CALN1: variants seen among roughly 807,000 people sequenced by gnomAD.
CALN1 encodes the protein calcium-binding protein 8.
A neutral mutation model predicts 30.6 loss-of-function variants in CALN1; 17 were observed. The observed-to-expected ratio is 0.56, with a 90% CI of 0.38 to 0.83. The LOEUF is 0.83. Ranked by LOEUF, CALN1 falls within the 40% of genes least tolerant of loss-of-function variation. CALN1 has a pLI of 0.00. For missense variants in CALN1, 291 were observed against 354.9 expected, an observed-to-expected ratio of 0.82 and a Z score of 1.45; for synonymous variants, 156 against 131.4, an observed-to-expected ratio of 1.19 and a Z score of -1.28.
At chr7:72,234,107 A>G (rs1257664075) in intron 3 of CALN1, among the ~76,000 whole-genome samples, 1 of 152,248 alleles carries the variant, frequency 6.6e-6, no homozygotes, top group African/African-American at 2.4e-5. Context: ...GTTTACAAGG[A>G]AACAGTAAGG....
At chr7:72,503,679 T>G in the CALN1 span, among the ~76,000 whole-genome samples, 1 of 149,542 alleles carries the variant, frequency 6.7e-6, no homozygotes, top group Non-Finnish European at 1.5e-5. Context: ...ACCAGTAACC[T>G]TCTCTGAGTC....
At chr7:71,987,594 A>G (rs1305747009) in intron 5 of CALN1, among the ~76,000 whole-genome samples, 4 of 152,188 alleles carry the variant, frequency 2.6e-5, no homozygotes, top group Non-Finnish European at 5.9e-5. Flanking sequence ...TAGGCTTGTG[A>G]AAGTGTTACG....
intron 5 of CALN1, among the ~76,000 whole-genome samples, chr7:71,875,224 C>A (rs1792177457): frequency 6.7e-6 from 1 of 149,596 alleles, no homozygotes; most frequent in Non-Finnish European, 1.5e-5. Flanking sequence ...AATGGTGTCA[C>A]CAGCTGTGTC....
At chr7:71,804,358 G>A (rs1787482331) in intron 6 of CALN1, among the ~76,000 whole-genome samples, 1 of 151,990 alleles carries the variant, frequency 6.6e-6, no homozygotes, top group Non-Finnish European at 1.5e-5. Flanking sequence ...AAGTAAAAAA[G>A]TTAGCCTGGC....
chr7:72,477,142 C>T, the CALN1 span, among the ~76,000 whole-genome samples: 6 of 151,744 alleles, frequency 4.0e-5, no homozygotes, highest in Admixed American at 6.6e-5. Flanking sequence ...ACCCAGGTGG[C>T]GGAGGTTGCA....
At chr7:72,231,900 G>C (rs766563009) in intron 3 of CALN1, among the ~76,000 whole-genome samples, 1 of 152,186 alleles carries the variant, frequency 6.6e-6, no homozygotes, top group Non-Finnish European at 1.5e-5. Context: ...TTGTTTAGCA[G>C]CATGTAAGTT....
At chr7:72,052,256 A>G (rs79262964) in intron 4 of CALN1, among the ~76,000 whole-genome samples, 4 of 152,324 alleles carry the variant, frequency 2.6e-5, no homozygotes, top group Admixed American at 6.5e-5. Context: ...ATGCGGAGTT[A>G]AGGGGCTGTG....
intron 5 of CALN1, among the ~76,000 whole-genome samples, chr7:71,979,689 A>G (rs1460280451): frequency 6.6e-6 from 1 of 151,942 alleles, no homozygotes; most frequent in African/African-American, 2.4e-5. Flanking sequence ...CCCCTGCTCT[A>G]TGGGAACTGG....
chr7:72,230,151 A>C (rs1793984467), intron 3 of CALN1, among the ~76,000 whole-genome samples: 1 of 151,828 alleles, frequency 6.6e-6, no homozygotes, highest in Non-Finnish European at 1.5e-5. Context: ...AAAAAACAAA[A>C]ACAAAAACAA....
rs375802285 is a variant in CALN1, at chr7:72,380,724, C to G, written c.119+22527G>C. On this transcript the variant is annotated intron_variant, in intron 2 of 6. Transcript: ENST00000395275. ...ATTAGATTAGATAGATAGATAGATACATAGATACATAGATAGATAGTGTTA... is the reference window on the plus strand; with the variant it reads ...ATTAGATTAGATAGATAGATAGATAGATAGATACATAGATAGATAGTGTTA... Among the ~76,000 whole-genome samples the G allele has an allele frequency of 1.4e-4, 21 of 150,220 alleles. No homozygotes were observed. The East Asian group carries it at 2.0e-3, about 14-fold the overall frequency.
chr7:72,279,100 C>T (rs1009415343), intron 2 of CALN1, among the ~76,000 whole-genome samples: 1 of 152,140 alleles, frequency 6.6e-6, no homozygotes, highest in African/African-American at 2.4e-5. Flanking sequence ...ACATCACCAT[C>T]GAACTATCTC....
At chr7:72,328,242 T>A (rs1421801711) in intron 2 of CALN1, among the ~76,000 whole-genome samples, 1 of 152,190 alleles carries the variant, frequency 6.6e-6, no homozygotes, top group Non-Finnish European at 1.5e-5. Context: ...TCACCTTGAA[T>A]TGCAATAATA....
At chr7:72,479,626 C>T in the CALN1 span, among the ~76,000 whole-genome samples, 1 of 148,952 alleles carries the variant, frequency 6.7e-6, no homozygotes, top group Non-Finnish European at 1.5e-5. Context: ...GATCTTGGCT[C>T]ACTGCAACCT....
chr7:72,330,485 A>AAAG (rs1554374257), intron 2 of CALN1, among the ~76,000 whole-genome samples: 129 of 143,226 alleles, frequency 9.0e-4, no homozygotes, highest in Non-Finnish European at 1.8e-3. Flanking sequence ...AAAAAAAAAA[A>AAAG]AGAGAGAGAG....
At chr7:72,329,599 A>G (rs1291800548) in intron 2 of CALN1, among the ~76,000 whole-genome samples, 5 of 152,164 alleles carry the variant, frequency 3.3e-5, no homozygotes, top group African/African-American at 7.2e-5. Flanking sequence ...TCTTCCGCAG[A>G]TATTTCCCCA....
intron 5 of CALN1, among the ~76,000 whole-genome samples, chr7:71,879,857 G>A (rs1010275435): frequency 3.3e-5 from 5 of 152,184 alleles, no homozygotes; most frequent in Non-Finnish European, 7.3e-5. Flanking sequence ...ACTGTGGTGA[G>A]GGAGATTGTG....
chr7:72,056,733 G>T (rs1803280821), intron 4 of CALN1, among the ~76,000 whole-genome samples: 1 of 151,988 alleles, frequency 6.6e-6, no homozygotes, highest in Non-Finnish European at 1.5e-5. Context: ...TATGGCAAAA[G>T]AATAGCATTC....
At chr7:72,428,363 A>AT (rs1807862616) in intron 1 of CALN1, among the ~76,000 whole-genome samples, 1 of 151,568 alleles carries the variant, frequency 6.6e-6, no homozygotes, top group Non-Finnish European at 1.5e-5. Flanking sequence ...AAAGGCACAG[A>AT]TTGATTTTTT....
Position 71,781,899 on chromosome 7 carries a change from C to A in CALN1, c.*5876G>T, listed in dbSNP as rs538195441. ...GTCTTGTGGGTGGGACTGGAAAAAC[C>A]TCATTCTTTGTGATATATTTCCAGT... On this transcript the variant is annotated 3_prime_UTR_variant, in exon 7 of 7. Transcript: ENST00000395275. 11 of 152,242 alleles carry A rather than the reference C, an allele frequency of 7.2e-5. No homozygotes were observed. The highest frequency in any genetic ancestry group is 2.4e-4 in the African/African-American group (10 of 41,534). The allele number at this position is 152,242 out of a possible 1,614,324, so 9.4% of individuals were successfully genotyped here. A position where few individuals can be genotyped will look rare whatever the true frequency, so the allele number is the denominator to read the frequency against.
Sources: allele counts gnomAD v4.1 joint callset (sites outside exome capture counted in the v4.1 genomes callset), GRCh38; gene constraint gnomAD v4.1.1; transcripts MANE v1.5; gene names NCBI Gene and HGNC (gene_info 2026-07-23, HGNC 2026-07-21).